Variants in SLC36A1 observed in about 807,000 individuals in gnomAD.
SLC36A1 encodes proton-coupled amino acid transporter 1.
A neutral mutation model predicts 47.5 loss-of-function variants in SLC36A1; 30 were observed. That is an observed-to-expected ratio of 0.63 (90% CI 0.47 to 0.86). The LOEUF (loss-of-function observed/expected upper bound fraction) is 0.86, where lower values mean the gene tolerates loss of function less well. SLC36A1 is among the 40% of genes least tolerant of loss of function. The pLI is 0.00. For missense variants in SLC36A1, 517 were observed against 606.0 expected, an observed-to-expected ratio of 0.85 and a Z score of 1.54; for synonymous variants, 255 against 249.7, an observed-to-expected ratio of 1.02 and a Z score of -0.20.
chr5:151,510,312 C>T, the SLC36A1 span: 13 of 985,920 alleles, frequency 1.3e-5, 1 homozygote, highest in South Asian at 9.5e-5. Context: ...TGCCCAATAC[C>T]GTGCTGGGCA....
chr5:151,542,899 T>A, the SLC36A1 span: 1 of 1,614,014 alleles, frequency 6.2e-7, no homozygotes, highest in Non-Finnish European at 8.5e-7. Flanking sequence ...TGTGTCTGGG[T>A]CTAGGGAGAA....
chr5:151,509,085 G>A, the SLC36A1 span, among the ~76,000 whole-genome samples: 1 of 152,184 alleles, frequency 6.6e-6, no homozygotes, highest in African/African-American at 2.4e-5. Context: ...CACACAGTAT[G>A]AGGCACAGAC....
the SLC36A1 span, chr5:151,549,292 C>A: frequency 6.2e-7 from 1 of 1,612,362 alleles, no homozygotes; most frequent in South Asian, 1.1e-5. Context: ...CCAGGCCTCT[C>A]ACCTTTCAGG....
At chr5:151,388,187 C>T in the SLC36A1 span, among the ~76,000 whole-genome samples, 3 of 152,040 alleles carry the variant, frequency 2.0e-5, no homozygotes. Context: ...AGCTTGCTAC[C>T]TGGAGGAGGC....
chr5:151,534,779 A>G, the SLC36A1 span: 1 of 653,766 alleles, frequency 1.5e-6, no homozygotes, highest in South Asian at 2.0e-5. Context: ...TACAGTCAGG[A>G]AAGCAGCTAA....
Position 151,481,859 on chromosome 5 carries a change from G to T in SLC36A1, c.1159+2370G>T, listed in dbSNP as rs76037995. The stretch of plus-strand genomic sequence containing the variant: ...TATTTTTGGAAATGCGGACTTAGCA[G>T]GTCACCTTATGTCCAGACCTTGTGT... On this transcript the variant is annotated intron_variant, in intron 10 of 10. Transcript: ENST00000243389. 3.4e-3 allele frequency among the ~76,000 whole-genome samples: 514 copies of T among 152,306 alleles called. 17 individuals carry two copies. Among genetic ancestry groups the T allele is most frequent in the East Asian group, 0.026 (135 of 5,188 alleles).
the SLC36A1 span, chr5:151,525,896 G>A: frequency 3.8e-5 from 61 of 1,614,184 alleles, no homozygotes; most frequent in Non-Finnish European, 4.5e-5. Context: ...GAGTAGGGGG[G>A]GCCATTCTCT....
intron 8 of SLC36A1, among the ~76,000 whole-genome samples, chr5:151,476,193 G>A (rs987695622): frequency 6.6e-6 from 1 of 152,264 alleles, no homozygotes; most frequent in African/African-American, 2.4e-5. Flanking sequence ...CTTTAGACAG[G>A]TTAGCAGGAA....
intron 1 of SLC36A1, among the ~76,000 whole-genome samples, chr5:151,451,264 G>C (rs910075095): frequency 6.6e-6 from 1 of 151,792 alleles, no homozygotes; most frequent in Non-Finnish European, 1.5e-5. Context: ...TTTTGTCCAC[G>C]CTGGTCTTGA....
In SLC36A1 at chr5:151,479,502, T is replaced by A. The variant is rs1189723749; in HGVS notation, c.1159+13T>A. 2.0e-5 allele frequency: 32 copies of A among 1,606,908 alleles called. No individual in the cohort carries two copies. Among genetic ancestry groups the A allele is most frequent in the Non-Finnish European group, 2.6e-5 (31 of 1,174,638 alleles). ...GTCTGCCTGACATGTGAGTAGAAGATGATAATTGCCTTGCTTGTTTTTCCC... is the reference window on the plus strand; with the variant it reads ...GTCTGCCTGACATGTGAGTAGAAGAAGATAATTGCCTTGCTTGTTTTTCCC... On this transcript the variant is annotated intron_variant, in intron 10 of 10. Transcript: ENST00000243389.
chr5:151,476,701 C>T lies in SLC36A1; in HGVS notation c.934C>T (p.Leu312=), dbSNP rs1325689629. Residue 312 remains leucine, a synonymous_variant, in exon 9 of 11, where the codon CTG becomes TTG. Coordinates refer to ENST00000243389, the MANE Select transcript of SLC36A1 (RefSeq NM_078483.4). Reference sequence around the variant, plus strand: ...CATCAGCCTGGGGTGTCTGGGGTACCTGCAATTTGGAGCTAATATCCAAGG... The same window carrying T: ...CATCAGCCTGGGGTGTCTGGGGTACTTGCAATTTGGAGCTAATATCCAAGG... ...LYISLGCLGY[L]QFGANIQGSI... is the part of the protein sequence containing the mutation. 1.2e-6 allele frequency: 2 copies of T among 1,613,568 alleles called. No individual in the cohort carries two copies. The highest frequency in any genetic ancestry group is 2.2e-5 in the East Asian group (1 of 44,878).
the SLC36A1 span, chr5:151,546,110 T>A: frequency 6.2e-7 from 1 of 1,614,146 alleles, no homozygotes; most frequent in South Asian, 1.1e-5. Context: ...CCAACAGGGA[T>A]TGATTCAGGG....
chr5:151,509,861 CA>C, the SLC36A1 span: 2 of 775,014 alleles, frequency 2.6e-6, no homozygotes, highest in Non-Finnish European at 4.2e-6. Flanking sequence ...TCCCTGGTGC[CA>C]AAAAGGTTGG....
the SLC36A1 span, among the ~76,000 whole-genome samples, chr5:151,370,395 C>G: frequency 1.3e-5 from 2 of 149,526 alleles, no homozygotes; most frequent in African/African-American, 4.9e-5. Context: ...ATTAGAATTT[C>G]ATTCTGTTTC....
chr5:151,497,235 T>C (rs1039178854), downstream of SLC36A1, among the ~76,000 whole-genome samples: 2 of 152,330 alleles, frequency 1.3e-5, no homozygotes, highest in Admixed American at 1.3e-4. Flanking sequence ...TTAAGTATGA[T>C]GTAAGTAGTA....
the SLC36A1 span, among the ~76,000 whole-genome samples, chr5:151,553,950 C>A: frequency 6.6e-6 from 1 of 152,174 alleles, no homozygotes; most frequent in Admixed American, 6.5e-5. Flanking sequence ...ATGTAAGCAC[C>A]CATGCGCTAG....
At chr5:151,467,424 C>A in intron 6 of SLC36A1, 141 bp downstream of exon 6, 1 of 665,570 alleles carries the variant, frequency 1.5e-6, no homozygotes, top group Non-Finnish European at 2.5e-6. Context: ...TTACATAGAT[C>A]TACGTCTTCT....
chr5:151,528,830 G>A, the SLC36A1 span, among the ~76,000 whole-genome samples: 6 of 152,098 alleles, frequency 3.9e-5, no homozygotes, highest in Non-Finnish European at 5.9e-5. Flanking sequence ...GTCATTCCAC[G>A]TCACCCGCTA....
At chr5:151,534,968 AAAATAT>A in the SLC36A1 span, among the ~76,000 whole-genome samples, 16 of 52,726 alleles carry the variant, frequency 3.0e-4, 1 homozygote, top group Admixed American at 4.6e-4. Context: ...CACTTCTAGG[AAAATAT>A]ATATATATAT....
Sources: gnomAD v4.1 joint callset for allele counts (sites outside exome capture counted in the v4.1 genomes callset) on GRCh38, gnomAD v4.1.1 for gene constraint, MANE v1.5 for transcripts, NCBI Gene and HGNC (gene_info 2026-07-23, HGNC 2026-07-21) for gene names.